ENY2: variants seen among roughly 807,000 people sequenced by gnomAD.
ENY2 encodes the protein ENY2 transcription and export complex 2 subunit, also known as transcription and mRNA export factor ENY2.
ENY2 carries 4 observed loss-of-function variants against 15.9 expected under a neutral mutation model. That is an observed-to-expected ratio of 0.25 (90% CI 0.12 to 0.57). The LOEUF (loss-of-function observed/expected upper bound fraction) is 0.57. Ranked by LOEUF, ENY2 falls within the 20% of genes least tolerant of loss-of-function variation. The pLI, the probability that ENY2 is intolerant of heterozygous loss-of-function variation, is 0.91. For synonymous variants in ENY2, 48 were observed against 38.0 expected (o/e 1.26, Z -0.97); for missense variants, 54 against 117.2 (o/e 0.46, Z 2.49).
intron 2 of ENY2, 74 bp from the exon 3 acceptor site, chr8:109,339,246 T>G: frequency 6.3e-6 from 9 of 1,425,240 alleles, no homozygotes; most frequent in Non-Finnish European, 8.8e-6. Context: ...AGTTGAACAC[T>G]GAAACTTTGC....
At chr8:109,336,466 A>G (rs1815987815) in intron 2 of ENY2, 1 of 322,298 alleles carries the variant, frequency 3.1e-6, no homozygotes, top group Non-Finnish European at 5.8e-6. Flanking sequence ...TACCTGAATT[A>G]CAACTGGAGA....
chr8:109,340,482 G>A lies in ENY2; in HGVS notation c.155-7G>A. The A allele has an allele frequency of 6.2e-7, 1 of 1,611,680 alleles. No individual in the cohort carries two copies. Among genetic ancestry groups the A allele is most frequent in the Non-Finnish European group, 8.5e-7 (1 of 1,178,554 alleles). On this transcript the variant is annotated splice_region_variant and splice_polypyrimidine_tract_variant and intron_variant, in intron 3 of 4. Coordinates refer to ENST00000521688, the MANE Select transcript of ENY2 (RefSeq NM_020189.6). The stretch of plus-strand genomic sequence containing the variant: ...ATGATATGATTTGTTTTTTGCTTTT[G>A]CATAAGAGGTAATTAAAGAAAAAGG...
At chr8:109,340,381 AAAAC>A (rs1277252800) in intron 3 of ENY2, 104 bp from the exon 4 acceptor site, 14 of 1,494,682 alleles carry the variant, frequency 9.4e-6, no homozygotes, top group African/African-American at 1.4e-5. Flanking sequence ...TTTTTTTAAA[AAAAC>A]CAGTCTACAC....
intron 4 of ENY2, among the ~76,000 whole-genome samples, chr8:109,343,128 T>C (rs1816159019): frequency 6.6e-6 from 1 of 152,234 alleles, no homozygotes; most frequent in Non-Finnish European, 1.5e-5. Context: ...TGTTATAGCC[T>C]CTGTATTTAA....
chr8:109,340,733 A>T, intron 4 of ENY2, 170 bp downstream of exon 4: 1 of 685,582 alleles, frequency 1.5e-6, no homozygotes, highest in Non-Finnish European at 2.4e-6. Flanking sequence ...GGGAGTAACA[A>T]ATGAGATACT....
chr8:109,336,554 A>T, intron 2 of ENY2: 1 of 190,912 alleles, frequency 5.2e-6, no homozygotes, highest in Non-Finnish European at 1.1e-5. Flanking sequence ...ACCTTGGAGC[A>T]GCAAGTGCTG....
intron 3 of ENY2, 62 bp downstream of exon 3, chr8:109,339,452 GTTGC>G: frequency 1.4e-6 from 2 of 1,452,014 alleles, no homozygotes; most frequent in Non-Finnish European, 1.9e-6. Flanking sequence ...TGGTTTGGGG[GTTGC>G]TTATTTTAAG....
chr8:109,335,551 C>CG, intron 1 of ENY2: 1 of 152,006 alleles, frequency 6.6e-6, no homozygotes, highest in African/African-American at 2.4e-5. Context: ...TTAGTAGAGA[C>CG]GGGGTTTCAC....
intron 4 of ENY2, among the ~76,000 whole-genome samples, chr8:109,342,348 T>C (rs1488100457): frequency 6.6e-6 from 1 of 151,470 alleles, no homozygotes; most frequent in African/African-American, 2.4e-5. Context: ...CTCCACGTAA[T>C]ATGAGAGTGC....
At chr8:109,342,000 A>G (rs1013686674) in intron 4 of ENY2, among the ~76,000 whole-genome samples, 1 of 152,156 alleles carries the variant, frequency 6.6e-6, no homozygotes, top group Non-Finnish European at 1.5e-5. Context: ...AATTAATTAT[A>G]TAGTCTTGAT....
In ENY2 at chr8:109,345,649, C is replaced by G. The variant is rs913204803; in HGVS notation, c.*2168C>G. ...AGTACACAGGAAAGGTGAGAAATAG[C>G]GGATAGTTCTTATTTCATAGTACTG... On this transcript the variant is annotated 3_prime_UTR_variant, in exon 5 of 5. Transcript: ENST00000521688. 6.6e-6 allele frequency: 1 copy of G among 151,976 alleles called. No homozygotes were observed. Among genetic ancestry groups the G allele is most frequent in the Non-Finnish European group, 1.5e-5 (1 of 67,994 alleles). The allele number at this position is 151,976 out of a possible 1,614,324, so 9.4% of individuals were successfully genotyped here.
chr8:109,339,596 A>G (rs1816071000), intron 3 of ENY2: 1 of 458,820 alleles, frequency 2.2e-6, no homozygotes, highest in East Asian at 3.4e-5. Flanking sequence ...AAGCGTGAGC[A>G]CTTAAGATTT....
intron 4 of ENY2, among the ~76,000 whole-genome samples, chr8:109,341,861 C>T (rs1816120150): frequency 6.6e-6 from 1 of 152,104 alleles, no homozygotes; most frequent in African/African-American, 2.4e-5. Context: ...ACCACCAAAA[C>T]CTCCCTCATG....
chr8:109,338,422 G>C (rs1440354655), intron 2 of ENY2: 1 of 152,146 alleles, frequency 6.6e-6, no homozygotes, highest in Non-Finnish European at 1.5e-5. Flanking sequence ...CTCAGAAGAA[G>C]AACAAACAGG....
intron 4 of ENY2, chr8:109,342,926 TTTC>T: frequency 2.0e-6 from 1 of 493,926 alleles, no homozygotes; most frequent in Non-Finnish European, 3.6e-6. Flanking sequence ...AAACTCTCCT[TTTC>T]TTCATCTCTT....
At chr8:109,339,777 TA>T (rs555266304) in intron 3 of ENY2, 80 of 162,452 alleles carry the variant, frequency 4.9e-4, no homozygotes, top group Non-Finnish European at 7.1e-4. Context: ...AGAATGCACT[TA>T]AAAAAAAAGT....
chr8:109,343,612 T>C lies in ENY2; in HGVS notation c.*131T>C. The C allele has an allele frequency of 1.7e-6, 1 of 595,432 alleles. No homozygotes were observed. Among genetic ancestry groups the C allele is most frequent in the Non-Finnish European group, 2.7e-6 (1 of 372,578 alleles). 36.9% of individuals were successfully genotyped at this position (595,432 alleles called of 1,614,324 possible). On this transcript the variant is annotated 3_prime_UTR_variant, in exon 5 of 5. Coordinates refer to ENST00000521688, the MANE Select transcript of ENY2 (RefSeq NM_020189.6). ...CAGTTTTCAGTAATGATGTATACAT[T>C]GTATTGATTTTTTTCCCTAAATGTG...
intron 4 of ENY2, among the ~76,000 whole-genome samples, chr8:109,342,396 G>A (rs1816137718): frequency 6.7e-6 from 1 of 150,208 alleles, no homozygotes; most frequent in Non-Finnish European, 1.5e-5. Flanking sequence ...CCAACAGTGT[G>A]TATGTATACA....
intron 3 of ENY2, among the ~76,000 whole-genome samples, chr8:109,340,187 CAGTT>C (rs879434601): frequency 1.4e-4 from 21 of 152,196 alleles, no homozygotes; most frequent in East Asian, 9.7e-4. Context: ...TTAATTAAAA[CAGTT>C]AGTTATAAGT....
Sources: gnomAD v4.1 joint callset for allele counts (sites outside exome capture counted in the v4.1 genomes callset) on GRCh38, gnomAD v4.1.1 for gene constraint, MANE v1.5 for transcripts, NCBI Gene and HGNC (gene_info 2026-07-23, HGNC 2026-07-21) for gene names.